INO80: variants seen among roughly 807,000 people sequenced by gnomAD.
The protein encoded by INO80 is INO80 complex ATPase subunit.
Under a neutral mutation model 203.4 loss-of-function variants are expected in INO80, and 20 were observed. The ratio of observed to expected loss-of-function variants is 0.10; its 90% CI spans 0.07 to 0.14. The LOEUF is 0.14. INO80 is among the 10% of genes least tolerant of loss of function. INO80 has a pLI of 1.00. For synonymous variants in INO80, 726 were observed against 685.2 expected (o/e 1.06, Z -0.93); for missense variants, 1,419 against 1,914.4 (o/e 0.74, Z 4.83).
intron 14 of INO80, among the ~76,000 whole-genome samples, chr15:41,060,778 A>G (rs2045090412): frequency 6.6e-6 from 1 of 152,118 alleles, no homozygotes; most frequent in Non-Finnish European, 1.5e-5. Context: ...GGCTTTGAAT[A>G]ATTTGCATCC....
At chr15:41,005,877 C>T (rs1312838985) in intron 27 of INO80, among the ~76,000 whole-genome samples, 190 bp from the exon 28 acceptor site, 2 of 149,376 alleles carry the variant, frequency 1.3e-5, no homozygotes, top group Non-Finnish European at 3.0e-5. Flanking sequence ...GTGTGAAAAT[C>T]CAGGGCAATC....
intron 19 of INO80, among the ~76,000 whole-genome samples, chr15:41,050,502 A>G (rs1466706867): frequency 6.6e-6 from 1 of 152,220 alleles, no homozygotes; most frequent in Non-Finnish European, 1.5e-5. Flanking sequence ...ACAATTTACT[A>G]AATTGGTTAA....
intron 29 of INO80, among the ~76,000 whole-genome samples, chr15:40,994,943 C>T (rs144337245): frequency 0.028 from 4,217 of 152,156 alleles, 183 homozygotes; most frequent in African/African-American, 0.096. Context: ...GCAACCTCCG[C>T]CTCCTGGGTT....
chr15:41,075,291 AG>A (rs1203111095), intron 9 of INO80, among the ~76,000 whole-genome samples: 15 of 143,874 alleles, frequency 1.0e-4, no homozygotes, highest in Admixed American at 5.5e-4. Flanking sequence ...TTTTTTTTTG[AG>A]ACAAGTCTAA....
At chr15:41,018,726 G>A (rs1470660453) in intron 26 of INO80, 1 of 152,178 alleles carries the variant, frequency 6.6e-6, no homozygotes, top group Non-Finnish European at 1.5e-5. Flanking sequence ...GACTTCTGGG[G>A]CTGGTATTTG....
rs1414071363 is a variant in INO80 at position 41,085,657 on chromosome 15, A to G, written c.659-74T>C. ...ACAAAGCAACCTCATGACTTAAAAC[A>G]TGCAAGGTTCTTTCCTTATTCCACC... On this transcript the variant is annotated intron_variant, in intron 6 of 35. Transcript: ENST00000648947. 30 of 1,160,744 alleles carry G rather than the reference A, an allele frequency of 2.6e-5. No homozygotes were observed. In the East Asian group the frequency reaches 4.3e-4, roughly 17 times the overall value. 71.9% of individuals were successfully genotyped at this position (1,160,744 alleles called of 1,614,324 possible).
In INO80 at chr15:41,027,629, C is replaced by T; in HGVS notation, c.3015G>A (p.Glu1005=). Residue 1005 remains glutamate, a synonymous_variant, in exon 25 of 36, where the codon GAG becomes GAA. Coordinates refer to ENST00000648947, the MANE Select transcript of INO80 (RefSeq NM_017553.3). ...TSSLRRCLLT[E]LPSFLCVASP... ...TGGCCACACACAAAAAAGATGGCAGCTCAGTGAGCAGGCAGCGACGCAGCG... is the reference window on the plus strand; with the variant it reads ...TGGCCACACACAAAAAAGATGGCAGTTCAGTGAGCAGGCAGCGACGCAGCG... 1 of 1,613,736 alleles carries T rather than the reference C, an allele frequency of 6.2e-7. No homozygotes were observed. The highest frequency in any genetic ancestry group is 8.5e-7 in the Non-Finnish European group (1 of 1,179,816).
At position 41,045,022 on chromosome 15, in the gene INO80, C is replaced by T. The variant is rs749371793; in HGVS notation, c.2789G>A (p.Arg930His). 11 of 1,613,238 alleles carry T rather than the reference C, an allele frequency of 6.8e-6. No individual in the cohort carries two copies. The highest frequency in any genetic ancestry group is 1.3e-5 in the African/African-American group (1 of 74,832). Reference sequence around the variant, plus strand: ...CTCCCCTTCTGGCGCTCCCCAGGAGCGTAGCTGATGGAGCCTGTAGGAGGC... The same window carrying T: ...CTCCCCTTCTGGCGCTCCCCAGGAGTGTAGCTGATGGAGCCTGTAGGAGGC... ...LKASYRLHQL[R>H]SWGAPEGESH... Residue 930 changes from arginine (R) to histidine (H), a missense_variant, in exon 24 of 36, where the codon CGC (arginine) becomes CAC (histidine). Physicochemically the swap from Arg to His is conservative, Grantham distance 29. Transcript: ENST00000648947.
chr15:41,042,015 ATT>A (rs59485772), intron 24 of INO80, among the ~76,000 whole-genome samples: 7 of 133,918 alleles, frequency 5.2e-5, no homozygotes, highest in Admixed American at 1.5e-4. Flanking sequence ...TTAATTTTTA[ATT>A]TTTTTTTTTT....
intron 27 of INO80, among the ~76,000 whole-genome samples, chr15:41,015,348 A>T (rs990658322): frequency 1.3e-5 from 2 of 152,168 alleles, no homozygotes; most frequent in African/African-American, 4.8e-5. Context: ...TATTTTTTTA[A>T]AGCTTCTCAG....
chr15:41,023,121 TA>T, intron 25 of INO80: 1 of 342,974 alleles, frequency 2.9e-6, no homozygotes, highest in East Asian at 8.1e-5. Flanking sequence ...AAAAAAAAGT[TA>T]AAAAAAGAAG....
At chr15:41,113,695 T>A (rs1451223797) in intron 1 of INO80, among the ~76,000 whole-genome samples, 1 of 152,196 alleles carries the variant, frequency 6.6e-6, no homozygotes, top group East Asian at 1.9e-4. Flanking sequence ...CACTAGGGAC[T>A]CAAGTGATCC....
intron 14 of INO80, among the ~76,000 whole-genome samples, chr15:41,060,589 G>A (rs2045086571): frequency 1.3e-5 from 2 of 151,784 alleles, no homozygotes; most frequent in South Asian, 4.2e-4. Context: ...GTAAGACATA[G>A]AGAACAAAAA....
chr15:40,986,208 A>AG (rs2043730535), intron 31 of INO80, among the ~76,000 whole-genome samples: 1 of 152,184 alleles, frequency 6.6e-6, no homozygotes, highest in Non-Finnish European at 1.5e-5. Context: ...GCAGAAGAGC[A>AG]AATTCACTAC....
rs200008280 is a variant in INO80 at position 40,984,341 on chromosome 15, T to A, written c.3933A>T (p.Glu1311Asp). 79 of 1,613,992 alleles carry A rather than the reference T, an allele frequency of 4.9e-5. No homozygotes were observed. Among genetic ancestry groups the A allele is most frequent in the African/African-American group, 1.9e-4 (14 of 75,052 alleles). ...TTCTCCTTTTCCCATCCAATTCATC[T>A]TCTTTTTTCTTCTGGGAACACACGG... ...REKYAEKKKK[E>D]DELDGKRRKE... The change falls in exon 33 of 36, where the codon GAA (glutamate) becomes GAT (aspartate). Residue 1311 changes from glutamate to aspartate, a missense_variant. By Grantham distance (45) the Glu-to-Asp change is conservative. Transcript: ENST00000648947.
At chr15:41,091,252 G>A (rs2045636761) in intron 5 of INO80, among the ~76,000 whole-genome samples, 1 of 152,078 alleles carries the variant, frequency 6.6e-6, no homozygotes, top group African/African-American at 2.4e-5. Context: ...TAGAGATGGA[G>A]TTTCACCAAG....
chr15:41,108,326 A>C (rs1315628813), intron 1 of INO80, among the ~76,000 whole-genome samples: 2 of 151,758 alleles, frequency 1.3e-5, no homozygotes, highest in Admixed American at 1.3e-4. Context: ...GTGGTGGCTC[A>C]CACCTGTAAT....
rs1213699317 is a variant in INO80, at chr15:41,096,336, G to C, written c.-26C>G. On this transcript the variant is annotated 5_prime_UTR_variant, in exon 2 of 36. Coordinates refer to ENST00000648947, the MANE Select transcript of INO80 (RefSeq NM_017553.3). Reference sequence around the variant, plus strand: ...AGAACAAATCTGTCTTCATGCACAAGGACCTCCGACTGCACGGCTGCAGAA... The same window carrying C: ...AGAACAAATCTGTCTTCATGCACAACGACCTCCGACTGCACGGCTGCAGAA... 6.4e-7 allele frequency: 1 copy of C among 1,555,686 alleles called. No homozygotes were observed. Among genetic ancestry groups the C allele is most frequent in the Non-Finnish European group, 8.6e-7 (1 of 1,158,198 alleles).
chr15:41,080,796 G>A (rs994825285), intron 8 of INO80, among the ~76,000 whole-genome samples: 1 of 152,078 alleles, frequency 6.6e-6, no homozygotes, highest in African/African-American at 2.4e-5. Flanking sequence ...TGGTTGCAGT[G>A]AGCCAAGATC....
Sources: allele counts gnomAD v4.1 joint callset (sites outside exome capture counted in the v4.1 genomes callset), GRCh38; gene constraint gnomAD v4.1.1; transcripts MANE v1.5; gene names NCBI Gene and HGNC (gene_info 2026-07-23, HGNC 2026-07-21).